RNF220: variants seen among roughly 807,000 people sequenced by gnomAD.
RNF220 encodes the protein ring finger protein 220, also known as E3 ubiquitin-protein ligase RNF220.
In RNF220, 7 loss-of-function variants were observed where a neutral mutation model predicts 67.1. The observed-to-expected ratio is 0.10, with a 90% CI of 0.06 to 0.20. RNF220 has a LOEUF of 0.20. RNF220 is among the 10% of genes least tolerant of loss of function. RNF220 has a pLI of 1.00. For synonymous variants in RNF220, 270 were observed against 283.2 expected, an observed-to-expected ratio of 0.95 and a Z score of 0.47; for missense variants, 565 against 740.3, an observed-to-expected ratio of 0.76 and a Z score of 2.75.
intron 2 of RNF220, among the ~76,000 whole-genome samples, chr1:44,556,841 A>G (rs1338794695): frequency 2.0e-5 from 3 of 151,962 alleles, no homozygotes; most frequent in South Asian, 2.1e-4. Flanking sequence ...TTACAGGCGT[A>G]AGCCACCGCG....
Position 44,621,690 on chromosome 1 carries a change from G to A in RNF220, c.759-1052G>A, listed in dbSNP as rs539981458. On this transcript the variant is annotated intron_variant, in intron 3 of 14. Coordinates refer to ENST00000361799, the MANE Select transcript of RNF220 (RefSeq NM_018150.4). The surrounding 1 kb of genome is among the most constrained non-coding windows in gnomAD (Gnocchi z 4.8). ...CTGTGGGTGTCTGAGCTCATCTGTG[G>A]ATGTTCCTTATGTCTACACTCGTTA... Among the ~76,000 whole-genome samples, 3 of 152,134 alleles carry A rather than the reference G, an allele frequency of 2.0e-5. No homozygotes were observed. The highest frequency in any genetic ancestry group is 4.4e-5 in the Non-Finnish European group (3 of 68,028).
chr1:44,417,494 C>A lies in RNF220; in HGVS notation c.625+4772C>A, dbSNP rs1398252690. The stretch of plus-strand genomic sequence containing the variant: ...GCGCCGCTCGCCTGGCGGCTGGGCT[C>A]GCTGTAGTTGTGCTCCCGCTCTTCC... On this transcript the variant is annotated intron_variant, in intron 2 of 14. Transcript: ENST00000361799. The surrounding 1 kb of genome is among the most constrained non-coding windows in gnomAD (Gnocchi z 4.0). 6.6e-6 allele frequency among the ~76,000 whole-genome samples: 1 copy of A among 152,162 alleles called. No homozygotes were observed. The highest frequency in any genetic ancestry group is 2.4e-5 in the African/African-American group (1 of 41,436).
At chr1:44,508,172 G>A (rs1658618105) in intron 2 of RNF220, among the ~76,000 whole-genome samples, 1 of 150,946 alleles carries the variant, frequency 6.6e-6, no homozygotes, top group Non-Finnish European at 1.5e-5. Flanking sequence ...CTTTCCCGAG[G>A]CAGGGTTGGG....
At chr1:44,520,118 T>TGAGA (rs1439743734) in intron 2 of RNF220, among the ~76,000 whole-genome samples, 1 of 141,432 alleles carries the variant, frequency 7.1e-6, no homozygotes, top group African/African-American at 2.7e-5. Flanking sequence ...TGTGTGTGTG[T>TGAGA]GTGTGTGTGT....
chr1:44,632,400 G>GGCCCCCC lies in RNF220; in HGVS notation c.949+15_949+16insGCCCCCC. On this transcript the variant is annotated intron_variant, in intron 6 of 14. Coordinates refer to ENST00000361799, the MANE Select transcript of RNF220 (RefSeq NM_018150.4). Reference sequence around the variant, plus strand: ...CCGACTGAATGGTGAGTCCTGCCCGGCCCCTCCCTCCGCCCCACCCCCGGC... The same window carrying GGCCCCCC: ...CCGACTGAATGGTGAGTCCTGCCCGGGCCCCCCCCCCTCCCTCCGCCCCACCCCCGGC... The GGCCCCCC allele has an allele frequency of 1.1e-5, 17 of 1,607,364 alleles. No individual in the cohort carries two copies. The highest frequency in any genetic ancestry group is 2.2e-5 in the East Asian group (1 of 44,626).
intron 2 of RNF220, among the ~76,000 whole-genome samples, chr1:44,490,085 T>C (rs1656715391): frequency 6.6e-6 from 1 of 152,244 alleles, no homozygotes; most frequent in Admixed American, 6.5e-5. Context: ...AACTAAACCG[T>C]TCTTCGTAAG....
chr1:44,632,625 G>C (rs200806733), intron 6 of RNF220: 12 of 496,416 alleles, frequency 2.4e-5, no homozygotes, highest in Admixed American at 7.6e-5. Flanking sequence ...AAGAACCCTG[G>C]GGGGGCAATA....
chr1:44,479,759 C>T (rs1026153167), intron 2 of RNF220, among the ~76,000 whole-genome samples: 3 of 152,108 alleles, frequency 2.0e-5, no homozygotes, highest in African/African-American at 7.2e-5. Context: ...TTTTCAACCC[C>T]ACAAATTCTG....
chr1:44,638,478 T>C (rs914035310), intron 8 of RNF220: 1 of 152,226 alleles, frequency 6.6e-6, no homozygotes, highest in African/African-American at 2.4e-5. Flanking sequence ...TTGCTGTCGT[T>C]GTTAGATATG....
intron 3 of RNF220, among the ~76,000 whole-genome samples, chr1:44,620,719 T>C (rs1643754999): frequency 6.6e-6 from 1 of 152,164 alleles, no homozygotes; most frequent in Non-Finnish European, 1.5e-5. Flanking sequence ...TTGGCCTCAC[T>C]CTGCTGCTGG....
At chr1:44,436,793 G>C (rs1462643092) in intron 2 of RNF220, among the ~76,000 whole-genome samples, 1 of 152,100 alleles carries the variant, frequency 6.6e-6, no homozygotes, top group Admixed American at 6.5e-5. Flanking sequence ...TTGGGAGATG[G>C]GGCAATGCCA....
intron 2 of RNF220, among the ~76,000 whole-genome samples, chr1:44,421,386 A>G (rs982116650): frequency 3.3e-5 from 5 of 152,140 alleles, no homozygotes; most frequent in African/African-American, 1.2e-4. Flanking sequence ...AGAATTCACA[A>G]TCCCTGGGTT....
intron 2 of RNF220, among the ~76,000 whole-genome samples, chr1:44,559,535 G>A (rs12079222): frequency 0.027 from 4,065 of 152,332 alleles, 157 homozygotes; most frequent in East Asian, 0.13. Context: ...GGAGGGCGGC[G>A]GCACCGCAGG....
intron 2 of RNF220, among the ~76,000 whole-genome samples, chr1:44,494,303 G>A (rs1203179097): frequency 1.2e-4 from 18 of 151,656 alleles, no homozygotes; most frequent in African/African-American, 3.1e-4. Flanking sequence ...GAGACATTAC[G>A]GGGCTAGACA....
At chr1:44,503,393 C>T (rs1027493528) in intron 2 of RNF220, among the ~76,000 whole-genome samples, 5 of 144,416 alleles carry the variant, frequency 3.5e-5, no homozygotes, top group Admixed American at 6.9e-5. Flanking sequence ...GAGGTGAAAA[C>T]GTGTCCCACC....
chr1:44,413,862 C>CACTG (rs2147810768), intron 2 of RNF220, among the ~76,000 whole-genome samples: 1 of 152,328 alleles, frequency 6.6e-6, no homozygotes, highest in Admixed American at 6.5e-5. Context: ...CCCCTGTCGC[C>CACTG]ACTGCTTCGT....
In RNF220 at chr1:44,506,824, C is replaced by A. The variant is rs566845521; in HGVS notation, c.625+94102C>A. Among the ~76,000 whole-genome samples, 4 of 152,292 alleles carry A rather than the reference C, an allele frequency of 2.6e-5. No individual in the cohort carries two copies. The South Asian group carries it at 8.3e-4, about 32-fold the overall frequency. On this transcript the variant is annotated intron_variant, in intron 2 of 14. Coordinates refer to ENST00000361799, the MANE Select transcript of RNF220 (RefSeq NM_018150.4). ...TGGAAACGTTCTGCCTCGGTTTCAT[C>A]TGTAAAATGAGGGCAAAAATCCCTG... is the stretch of plus-strand genomic sequence containing the variant.
At chr1:44,538,882 C>T (rs1160763191) in intron 2 of RNF220, among the ~76,000 whole-genome samples, 2 of 142,884 alleles carry the variant, frequency 1.4e-5, no homozygotes. Context: ...TGCCACTACA[C>T]TCCAGCCTGG....
Position 44,417,003 on chromosome 1 carries a change from G to C in RNF220, c.625+4281G>C, listed in dbSNP as rs894004873. Among the ~76,000 whole-genome samples the C allele has an allele frequency of 2.3e-4, 35 of 152,170 alleles. No individual in the cohort carries two copies. The highest frequency in any genetic ancestry group is 8.2e-4 in the African/African-American group (34 of 41,438). On this transcript the variant is annotated intron_variant, in intron 2 of 14. Transcript: ENST00000361799. This position sits in a 1 kb window ranked among gnomAD's most constrained non-coding sequence, Gnocchi z 4.0. ...CCTGGAATGGGGAGGGCTGGGGTGA[G>C]GGGGGATACTTTCCAAGGGCTCTGG...
Sources: allele counts gnomAD v4.1 joint callset (sites outside exome capture counted in the v4.1 genomes callset), GRCh38; gene constraint gnomAD v4.1.1; non-coding constraint Gnocchi (gnomAD v3.1); transcripts MANE v1.5; gene names NCBI Gene and HGNC (gene_info 2026-07-23, HGNC 2026-07-21).